The following HSP90AA1 variants were observed in gnomAD, a reference collection of about 807,000 sequenced individuals.
The protein encoded by HSP90AA1 is heat shock protein 90 alpha family class A member 1.
Under a neutral mutation model 73.3 loss-of-function variants are expected in HSP90AA1, and 18 were observed. The observed-to-expected ratio is 0.25, with a 90% CI of 0.17 to 0.36. The LOEUF is 0.36. Among genes scored for constraint, HSP90AA1 ranks in the 10% least tolerant of loss-of-function variants. The pLI, the probability that HSP90AA1 is intolerant of heterozygous loss-of-function variation, is 1.00. For missense variants in HSP90AA1, 704 were observed against 874.2 expected (o/e 0.81, Z 2.45); for synonymous variants, 477 against 296.9 (o/e 1.61, Z -6.24).
At chr14:102,082,020 T>TG in intron 10 of HSP90AA1, 91 bp downstream of exon 10, 1 of 920,040 alleles carries the variant, frequency 1.1e-6, no homozygotes, top group Non-Finnish European at 1.8e-6. Flanking sequence ...CAGGACAAGG[T>TG]GCTCCAAGTT....
intron 1 of HSP90AA1, among the ~76,000 whole-genome samples, chr14:102,110,840 C>T (rs1302170271): frequency 6.6e-6 from 1 of 152,172 alleles, no homozygotes; most frequent in Non-Finnish European, 1.5e-5. Flanking sequence ...TTCTGCCTCC[C>T]AAAGTGCTAG....
upstream of HSP90AA1, among the ~76,000 whole-genome samples, chr14:102,090,535 C>T (rs180865155): frequency 5.0e-3 from 753 of 152,112 alleles, 3 homozygotes; most frequent in Non-Finnish European, 7.5e-3. Context: ...TTACAAGCTC[C>T]GCCTCCCGGG....
chr14:102,095,676 C>T (rs1264038891), intron 2 of HSP90AA1, among the ~76,000 whole-genome samples: 2 of 152,206 alleles, frequency 1.3e-5, no homozygotes, highest in Non-Finnish European at 2.9e-5. Flanking sequence ...TTCCCTTGAA[C>T]TCACCTTCAA....
rs556080852 is a variant in HSP90AA1, at chr14:102,134,531, C to T, written c.155+4719G>A. ...AAGGTGGCGCGTCTGGAGTTTGTTC[C>T]TTCTGATGTTCGGTTGTGTTCAGAG... On this transcript the variant is annotated intron_variant, in intron 1 of 11. Transcript: ENST00000334701. Among the ~76,000 whole-genome samples, 94 of 152,178 alleles carry T rather than the reference C, an allele frequency of 6.2e-4. 1 individual carries two copies. Among genetic ancestry groups the T allele is most frequent in the Non-Finnish European group, 9.6e-4 (65 of 68,006 alleles).
At chr14:102,123,717 G>A (rs2049807421) in intron 1 of HSP90AA1, among the ~76,000 whole-genome samples, 1 of 151,928 alleles carries the variant, frequency 6.6e-6, no homozygotes, top group South Asian at 2.1e-4. Context: ...GAAACTGTGT[G>A]GTTCATCTCA....
At chr14:102,109,448 T>C (rs1408645740) in intron 1 of HSP90AA1, among the ~76,000 whole-genome samples, 2 of 152,148 alleles carry the variant, frequency 1.3e-5, no homozygotes, top group African/African-American at 4.8e-5. Flanking sequence ...TGATAGTGAA[T>C]AAGGCTCACA....
intron 1 of HSP90AA1, among the ~76,000 whole-genome samples, chr14:102,104,508 C>T (rs1259142088): frequency 6.6e-6 from 1 of 151,906 alleles, no homozygotes; most frequent in Non-Finnish European, 1.5e-5. Flanking sequence ...CCACTGCGCC[C>T]GGCCTACACG....
upstream of HSP90AA1, among the ~76,000 whole-genome samples, chr14:102,090,043 A>G (rs1365584750): frequency 6.6e-6 from 1 of 151,968 alleles, no homozygotes. Context: ...TTCTAGGAGG[A>G]AGACAGAGCT....
upstream of HSP90AA1, among the ~76,000 whole-genome samples, chr14:102,089,979 C>G (rs2049332058): frequency 6.6e-6 from 1 of 152,156 alleles, no homozygotes. Context: ...ACAGACCTGG[C>G]CCTATCTATT....
At chr14:102,102,288 G>A (rs975387221) in intron 1 of HSP90AA1, among the ~76,000 whole-genome samples, 5 of 152,192 alleles carry the variant, frequency 3.3e-5, no homozygotes, top group Admixed American at 2.0e-4. Context: ...GTCCCAGTAA[G>A]GAGCTGGGCT....
rs186243430 is a variant in HSP90AA1, at chr14:102,084,082, G to C, written c.1148-99C>G. 5.3e-6 allele frequency: 5 copies of C among 945,302 alleles called. No individual in the cohort carries two copies. The East Asian group carries it at 7.6e-5, about 14-fold the overall frequency. The allele number at this position is 945,302 out of a possible 1,614,324, so 58.6% of individuals were successfully genotyped here. On this transcript the variant is annotated intron_variant, in intron 6 of 10. Transcript: ENST00000216281. ...AAAGATAACCTGAAGATGATGGGAC[G>C]TATTTTTGAGACAGTCTCACTCTGT...
At chr14:102,086,957 C>T (rs369755902) in intron 1 of HSP90AA1, 29 bp downstream of exon 1, 17 of 982,560 alleles carry the variant, frequency 1.7e-5, no homozygotes, top group African/African-American at 1.6e-4. Context: ...CCCAGTCCAC[C>T]TCCACAGGCC....
At position 102,085,828 on chromosome 14, in the gene HSP90AA1, T is replaced by C. The variant is rs778521737; in HGVS notation, c.459A>G (p.Lys153=). Reference sequence around the variant, plus strand: ...AAGCGTACTGCTCATCATCGTTATGTTTGGTGATCACAGTTACTTTCTCAG... The same window carrying C: ...AAGCGTACTGCTCATCATCGTTATGCTTGGTGATCACAGTTACTTTCTCAG... ...LVAEKVTVIT[K]HNDDEQYAWE... is the part of the protein sequence containing the mutation. Residue 153 remains lysine (K), a synonymous_variant, in exon 3 of 11, where the codon AAA becomes AAG. Coordinates refer to ENST00000216281, the MANE Select transcript of HSP90AA1 (RefSeq NM_005348.4). The C allele has an allele frequency of 9.9e-6, 16 of 1,613,850 alleles. No individual in the cohort carries two copies. The Admixed American group carries it at 1.5e-4, about 15-fold the overall frequency.
At position 102,081,185 on chromosome 14, in the gene HSP90AA1, C is replaced by G; in HGVS notation, c.*527G>C. 4.2e-6 allele frequency: 1 copy of G among 236,194 alleles called. No individual in the cohort carries two copies. The allele number at this position is 236,194 out of a possible 1,614,324, so 14.6% of individuals were successfully genotyped here. A position where few individuals can be genotyped will look rare whatever the true frequency, so the allele number is the denominator to read the frequency against. ...TAGGTAGGCTTTTAACTTTGCTCCT[C>G]CAAACAATACTTTTCTTTGGAAAAC... On this transcript the variant is annotated 3_prime_UTR_variant, in exon 11 of 11. Coordinates refer to ENST00000216281, the MANE Select transcript of HSP90AA1 (RefSeq NM_005348.4).
At chr14:102,084,012 A>C in intron 6 of HSP90AA1, 29 bp from the exon 7 acceptor site, 5 of 1,535,448 alleles carry the variant, frequency 3.3e-6, no homozygotes, top group Non-Finnish European at 4.5e-6. Flanking sequence ...AAATGCACTG[A>C]GTCATTCCAA....
intron 1 of HSP90AA1, among the ~76,000 whole-genome samples, chr14:102,122,871 T>C (rs1595678079): frequency 6.6e-6 from 1 of 150,852 alleles, no homozygotes; most frequent in Non-Finnish European, 1.5e-5. Flanking sequence ...TTTCACCACG[T>C]TGGCCAGGCT....
chr14:102,120,474 ATT>A (rs1413338756), intron 1 of HSP90AA1, among the ~76,000 whole-genome samples: 1 of 152,112 alleles, frequency 6.6e-6, no homozygotes, highest in Non-Finnish European at 1.5e-5. Context: ...GATTTTATAT[ATT>A]TTGTCTTTTG....
chr14:102,137,390 A>G (rs946624954), intron 1 of HSP90AA1, among the ~76,000 whole-genome samples: 2 of 151,750 alleles, frequency 1.3e-5, no homozygotes, highest in African/African-American at 4.8e-5. Context: ...CAGTGGTGCC[A>G]TCTCGGCTCA....
intron 1 of HSP90AA1, among the ~76,000 whole-genome samples, chr14:102,132,651 T>TA (rs2049922452): frequency 6.6e-6 from 1 of 151,868 alleles, no homozygotes; most frequent in Admixed American, 6.6e-5. Flanking sequence ...AGCATATATG[T>TA]AAAAAACATA....
Sources: allele counts gnomAD v4.1 joint callset (sites outside exome capture counted in the v4.1 genomes callset), GRCh38; gene constraint gnomAD v4.1.1; transcripts MANE v1.5; gene names NCBI Gene and HGNC (gene_info 2026-07-23, HGNC 2026-07-21).